The following WTIP variants were observed in gnomAD, a reference collection of about 807,000 sequenced individuals.
The protein encoded by WTIP is WT1 interacting protein.
In WTIP, 23 loss-of-function variants were observed where a neutral mutation model predicts 41.7. The ratio of observed to expected loss-of-function variants is 0.55; its 90% confidence interval spans 0.40 to 0.78. WTIP has a LOEUF of 0.78. WTIP is among the 30% of genes least tolerant of loss of function. The pLI, the probability that WTIP is intolerant of heterozygous loss-of-function variation, is 0.00. For missense variants in WTIP, 619 were observed against 610.5 expected, an observed-to-expected ratio of 1.01 and a Z score of -0.15; for synonymous variants, 314 against 269.9, an observed-to-expected ratio of 1.16 and a Z score of -1.60.
chr19:34,511,438 C>G lies in WTIP; in HGVS notation c.*11169C>G, dbSNP rs1314102472. 1 of 151,870 alleles carries G rather than the reference C, an allele frequency of 6.6e-6. No individual in the cohort carries two copies. The highest frequency in any genetic ancestry group is 1.5e-5 in the Non-Finnish European group (1 of 67,984). 9.4% of individuals were successfully genotyped at this position (151,870 alleles called of 1,614,324 possible). On this transcript the variant is annotated 3_prime_UTR_variant, in exon 8 of 8. Transcript: ENST00000590071. ...TCAAGATGAGATTTCGGTGGGGACA[C>G]AGAGCCAAACCGTATCAGACCCCGT...
Position 34,494,450 on chromosome 19 carries a change from G to C in WTIP, c.1032-136G>C, listed in dbSNP as rs2075842595. On this transcript the variant is annotated intron_variant, in intron 5 of 7. Coordinates refer to ENST00000590071, the MANE Select transcript of WTIP (RefSeq NM_001080436.2). Reference sequence around the variant, plus strand: ...GCATGGCAGAAGCTGTTCCCTGTCTGCCCCGAGGTGTGCACACAGGGAGAG... The same window carrying C: ...GCATGGCAGAAGCTGTTCCCTGTCTCCCCCGAGGTGTGCACACAGGGAGAG... 9 of 786,416 alleles carry C rather than the reference G, an allele frequency of 1.1e-5. 1 individual carries two copies. The South Asian group carries it at 1.2e-4, about 11-fold the overall frequency. 48.7% of individuals were successfully genotyped at this position (786,416 alleles called of 1,614,324 possible).
rs1180063474 is a variant in WTIP, at chr19:34,500,356, C to T, written c.*87C>T. On this transcript the variant is annotated 3_prime_UTR_variant, in exon 8 of 8. Coordinates refer to ENST00000590071, the MANE Select transcript of WTIP (RefSeq NM_001080436.2). ...GTGGCCCTGGTCAGCGTCAGGGGAG[C>T]TCCCTCCAATCAGTTTCCCACCGAG... is the stretch of plus-strand genomic sequence containing the variant. The T allele has an allele frequency of 5.7e-6, 8 of 1,411,616 alleles. No homozygotes were observed. Among genetic ancestry groups the T allele is most frequent in the South Asian group, 3.1e-5 (2 of 64,900 alleles). 87.4% of individuals were successfully genotyped at this position (1,411,616 alleles called of 1,614,324 possible).
intron 1 of WTIP, among the ~76,000 whole-genome samples, chr19:34,489,247 G>A (rs1276324976): frequency 3.5e-5 from 5 of 143,078 alleles, no homozygotes; most frequent in African/African-American, 5.2e-5. Flanking sequence ...CGTAGCACTC[G>A]TCTCTGCCTG....
rs2075884875 is a variant in WTIP, at chr19:34,501,230, G to C, written c.*961G>C. The C allele has an allele frequency of 1.3e-5, 2 of 152,664 alleles. No homozygotes were observed. Among genetic ancestry groups the C allele is most frequent in the African/African-American group, 4.8e-5 (2 of 41,466 alleles). The allele number at this position is 152,664 out of a possible 1,614,324, so 9.5% of individuals were successfully genotyped here. On this transcript the variant is annotated 3_prime_UTR_variant, in exon 8 of 8. Coordinates refer to ENST00000590071, the MANE Select transcript of WTIP (RefSeq NM_001080436.2). Reference sequence around the variant, plus strand: ...ATGCCGGCAAACTCACAAGTGTCTAGTTTGTCTGTTACGGAGCTGGTTTTC... The same window carrying C: ...ATGCCGGCAAACTCACAAGTGTCTACTTTGTCTGTTACGGAGCTGGTTTTC...
chr19:34,482,295 C>A lies in WTIP; in HGVS notation c.321C>A (p.Ser107=). The stretch of plus-strand genomic sequence containing the variant: ...GCGGCGGTGGCGGCAGCGCCCGATC[C>A]AGCGGCATCAGCCTGGGCTACGACC... ...DGGGGGGSAR[S]SGISLGYDQR... The change falls in exon 1 of 8, where the codon TCC becomes TCA. Residue 107 remains serine (S), a synonymous_variant. Transcript: ENST00000590071. The A allele has an allele frequency of 7.4e-7, 1 of 1,358,874 alleles. No individual in the cohort carries two copies. The highest frequency in any genetic ancestry group is 1.5e-5 in the South Asian group (1 of 67,460). The allele number at this position is 1,358,874 out of a possible 1,614,324, so 84.2% of individuals were successfully genotyped here.
chr19:34,496,690 G>A (rs940324601), intron 7 of WTIP, among the ~76,000 whole-genome samples: 4 of 151,144 alleles, frequency 2.6e-5, no homozygotes, highest in Non-Finnish European at 5.9e-5. Context: ...GTTGGGGGTT[G>A]GGAGGTGTTC....
intron 7 of WTIP, 86 bp from the exon 8 acceptor site, chr19:34,500,043 C>T (rs2075876109): frequency 2.0e-6 from 3 of 1,533,950 alleles, no homozygotes; most frequent in Non-Finnish European, 8.8e-7. Context: ...CAGATCTGCC[C>T]CTCCCCTCCG....
In WTIP at chr19:34,482,634, C is replaced by T. The variant is rs559299051; in HGVS notation, c.660C>T (p.Asp220=). Residue 220 remains aspartate (D), a synonymous_variant, in exon 1 of 8, where the codon GAC becomes GAT. Transcript: ENST00000590071. ...ERALEARTAR[D]YFGICIKCGL... ...CGCTCGAGGCGCGCACGGCGCGGGA[C>T]TACTTCGGTGAGCTCGCTCGGCCCG... 2 of 1,228,954 alleles carry T rather than the reference C, an allele frequency of 1.6e-6. No individual in the cohort carries two copies. Among genetic ancestry groups the T allele is most frequent in the Non-Finnish European group, 1.0e-6 (1 of 986,192 alleles). The allele number at this position is 1,228,954 out of a possible 1,614,324, so 76.1% of individuals were successfully genotyped here.
At position 34,493,372 on chromosome 19, in the gene WTIP, G is replaced by A. The variant is rs764142973; in HGVS notation, c.900+47G>A. On this transcript the variant is annotated intron_variant, in intron 4 of 7. Coordinates refer to ENST00000590071, the MANE Select transcript of WTIP (RefSeq NM_001080436.2). The surrounding 1 kb of genome is among the most constrained non-coding windows in gnomAD (Gnocchi z 4.1). ...CTGGAGCCCCTCTGACGTGGGTGGAGTCTGAGGACTCTACCGTCTCCCCTG... is the reference window on the plus strand; with the variant it reads ...CTGGAGCCCCTCTGACGTGGGTGGAATCTGAGGACTCTACCGTCTCCCCTG... 2.5e-6 allele frequency: 4 copies of A among 1,599,634 alleles called. No individual in the cohort carries two copies. The highest frequency in any genetic ancestry group is 4.5e-5 in the East Asian group (2 of 44,132).
intron 6 of WTIP, 120 bp downstream of exon 6, chr19:34,494,757 C>A: frequency 2.1e-6 from 2 of 967,766 alleles, no homozygotes; most frequent in South Asian, 1.6e-5. Context: ...TGCTTCTCCG[C>A]AGATCTTTCA....
chr19:34,491,104 A>G (rs1297535106), intron 2 of WTIP, among the ~76,000 whole-genome samples: 2 of 151,956 alleles, frequency 1.3e-5, no homozygotes, highest in African/African-American at 2.4e-5. Flanking sequence ...CTGGGAGTAC[A>G]GGTGTGAGCC....
At position 34,491,080 on chromosome 19, in the gene WTIP, G is replaced by A. The variant is rs1423440227; in HGVS notation, c.769+603G>A. ...TGAGCTCAAGTGATCCGCCTGCCTCGGCCTCTCAAAGTGCTGGGAGTACAG... is the reference window on the plus strand; with the variant it reads ...TGAGCTCAAGTGATCCGCCTGCCTCAGCCTCTCAAAGTGCTGGGAGTACAG... On this transcript the variant is annotated intron_variant, in intron 2 of 7. Transcript: ENST00000590071. 3.3e-5 allele frequency among the ~76,000 whole-genome samples: 5 copies of A among 151,548 alleles called. No individual in the cohort carries two copies. In the South Asian group the frequency reaches 6.3e-4, roughly 19 times the overall value.
At position 34,482,419 on chromosome 19, in the gene WTIP, TC is replaced by T. The variant is rs2075772471; in HGVS notation, c.448del (p.Arg150GlyfsTer151). 57 of 1,351,448 alleles carry T rather than the reference TC, an allele frequency of 4.2e-5. No individual in the cohort carries two copies. Among genetic ancestry groups the T allele is most frequent in the Non-Finnish European group, 5.4e-5 (57 of 1,050,012 alleles). 83.7% of individuals were successfully genotyped at this position (1,351,448 alleles called of 1,614,324 possible). Reference protein sequence around the residue: ...SARSSVSSLGSRGSAGAYADF... With the variant: ...SARSSVSSLGXRGSAGAYADF... ...CCGCTCCAGCGTTTCCAGCCTCGGC[TC>T]CCGGGGCTCGGCCGGCGCCTACGCT... On this transcript the variant is annotated frameshift_variant, in exon 1 of 8. Transcript: ENST00000590071. LOFTEE classifies it high-confidence loss of function.
In WTIP at chr19:34,482,328, C is replaced by T; in HGVS notation, c.354C>T (p.His118=). The change falls in exon 1 of 8, where the codon CAC becomes CAT. Residue 118 remains histidine, a synonymous_variant. Coordinates refer to ENST00000590071, the MANE Select transcript of WTIP (RefSeq NM_001080436.2). The part of the protein sequence containing the change: ...SGISLGYDQR[H]GSPRSGRSDP... ...TCAGCCTGGGCTACGACCAGCGCCA[C>T]GGCAGCCCGCGCTCCGGTCGCTCGG... is the stretch of plus-strand genomic sequence containing the variant. The T allele has an allele frequency of 7.2e-7, 1 of 1,385,228 alleles. No individual in the cohort carries two copies. Among genetic ancestry groups the T allele is most frequent in the South Asian group, 1.4e-5 (1 of 71,254 alleles). 85.8% of individuals were successfully genotyped at this position (1,385,228 alleles called of 1,614,324 possible). A position where few individuals can be genotyped will look rare whatever the true frequency, so the allele number is the denominator to read the frequency against.
In WTIP at chr19:34,507,981, CTCTT is replaced by C. The variant is rs1001712641; in HGVS notation, c.*7715_*7718del. 3 of 152,360 alleles carry C rather than the reference CTCTT, an allele frequency of 2.0e-5. No individual in the cohort carries two copies. Among genetic ancestry groups the C allele is most frequent in the Non-Finnish European group, 2.9e-5 (2 of 68,070 alleles). The allele number at this position is 152,360 out of a possible 1,614,324, so 9.4% of individuals were successfully genotyped here. A position where few individuals can be genotyped will look rare whatever the true frequency, so the allele number is the denominator to read the frequency against. ...ACCTTCCCTTGAGACCCACCAGGCT[CTCTT>C]TCAGTCACAGCATCTTCCTCCTGCT... On this transcript the variant is annotated 3_prime_UTR_variant, in exon 8 of 8. Coordinates refer to ENST00000590071, the MANE Select transcript of WTIP (RefSeq NM_001080436.2).
rs370840550 is a variant in WTIP at position 34,493,049 on chromosome 19, G to A, written c.782G>A (p.Arg261His). Residue 261 changes from arginine to histidine, a missense_variant, in exon 3 of 8, where the codon CGT becomes CAT. This residue lies in a region of WTIP where 164 missense variants were observed against 219.1 expected (regional missense o/e 0.75). Transcript: ENST00000590071. This position sits in a 1 kb window ranked among gnomAD's most constrained non-coding sequence, Gnocchi z 4.1. The stretch of plus-strand genomic sequence containing the variant: ...CTCACCCTTGCAGGGAGACGACTCC[G>A]TGGGAAGGCGTTCTACAACGTGGGT... The part of the protein sequence containing the change: ...FTCDSCGRRL[R>H]GKAFYNVGEK... 2.5e-5 allele frequency: 41 copies of A among 1,613,816 alleles called. No individual in the cohort carries two copies. Among genetic ancestry groups the A allele is most frequent in the African/African-American group, 9.3e-5 (7 of 74,918 alleles).
intron 5 of WTIP, among the ~76,000 whole-genome samples, chr19:34,494,176 C>T (rs1162332200): frequency 6.6e-6 from 1 of 152,102 alleles, no homozygotes; most frequent in Non-Finnish European, 1.5e-5. Flanking sequence ...TAAGAACTCA[C>T]AGGAAACATG....
rs1485266229 is a variant in WTIP at position 34,481,913 on chromosome 19, C to T, written c.-62C>T. On this transcript the variant is annotated 5_prime_UTR_variant, in exon 1 of 8. Coordinates refer to ENST00000590071, the MANE Select transcript of WTIP (RefSeq NM_001080436.2). Reference sequence around the variant, plus strand: ...GCTTCGGGCGGACGATGCGGCGGCCCGGCCGGAGCGGCGGCGGGAAGCGGA... The same window carrying T: ...GCTTCGGGCGGACGATGCGGCGGCCTGGCCGGAGCGGCGGCGGGAAGCGGA... 1.4e-5 allele frequency: 13 copies of T among 954,198 alleles called. No individual in the cohort carries two copies. The highest frequency in any genetic ancestry group is 1.1e-4 in the East Asian group (1 of 8,732). 59.1% of individuals were successfully genotyped at this position (954,198 alleles called of 1,614,324 possible).
rs752515123 is a variant in WTIP at position 34,500,112 on chromosome 19, G to T, written c.1153-17G>T. 2 of 1,598,196 alleles carry T rather than the reference G, an allele frequency of 1.3e-6. No homozygotes were observed. The highest frequency in any genetic ancestry group is 1.7e-6 in the Non-Finnish European group (2 of 1,179,190). ...TTGTCTGCTGACTCTGGGGCTGGGGGCTGTGTTCTTCCCTAGGACTGCGGG... is the reference window on the plus strand; with the variant it reads ...TTGTCTGCTGACTCTGGGGCTGGGGTCTGTGTTCTTCCCTAGGACTGCGGG... On this transcript the variant is annotated splice_polypyrimidine_tract_variant and intron_variant, in intron 7 of 7. Coordinates refer to ENST00000590071, the MANE Select transcript of WTIP (RefSeq NM_001080436.2).
Sources: allele counts gnomAD v4.1 joint callset (sites outside exome capture counted in the v4.1 genomes callset), GRCh38; gene constraint gnomAD v4.1.1; regional missense constraint gnomAD v4.1.1; non-coding constraint Gnocchi (gnomAD v3.1); transcripts MANE v1.5; gene names NCBI Gene and HGNC (gene_info 2026-07-23, HGNC 2026-07-21).